Variants in REEP2 observed in about 807,000 individuals in gnomAD.
REEP2 encodes receptor accessory protein 2, also known as receptor expression-enhancing protein 2.
Under a neutral mutation model 32.1 loss-of-function variants are expected in REEP2, and 9 were observed. The observed-to-expected ratio is 0.28, with a 90% CI of 0.17 to 0.49. REEP2 has a LOEUF of 0.49. REEP2 is among the 20% of genes least tolerant of loss of function. REEP2 has a pLI of 0.99. For synonymous variants in REEP2, 128 were observed against 139.1 expected, an observed-to-expected ratio of 0.92 and a Z score of 0.56; for missense variants, 236 against 338.0, an observed-to-expected ratio of 0.70 and a Z score of 2.37.
intron 3 of REEP2, among the ~76,000 whole-genome samples, chr5:138,442,311 A>C (rs986319387): frequency 6.6e-6 from 1 of 152,210 alleles, no homozygotes; most frequent in Non-Finnish European, 1.5e-5. Context: ...CAAGAAGAGA[A>C]TTTTACCAAG....
intron 3 of REEP2, among the ~76,000 whole-genome samples, chr5:138,442,182 T>C (rs1453714191): frequency 6.6e-6 from 1 of 152,206 alleles, no homozygotes; most frequent in African/African-American, 2.4e-5. Context: ...GTATGAGCAC[T>C]TTGAGGACAG....
At chr5:138,439,743 G>C in intron 1 of REEP2, 1 of 456,612 alleles carries the variant, frequency 2.2e-6, no homozygotes, top group South Asian at 1.5e-5. Context: ...GGAGACTGGG[G>C]ACGAGGGCAT....
chr5:138,439,791 G>T, intron 1 of REEP2: 2 of 455,844 alleles, frequency 4.4e-6, no homozygotes, highest in South Asian at 3.1e-5. Flanking sequence ...TCTGGGTATC[G>T]GGAAGCAGAA....
chr5:138,444,603 C>T, intron 4 of REEP2, 68 bp downstream of exon 4: 2 of 1,595,664 alleles, frequency 1.3e-6, no homozygotes. Flanking sequence ...CCTGCAGCCT[C>T]ATACAGACTG....
intron 1 of REEP2, chr5:138,439,563 T>C: frequency 2.0e-6 from 1 of 496,842 alleles, no homozygotes; most frequent in Non-Finnish European, 3.8e-6. Flanking sequence ...GCGCGTCCCC[T>C]CCCCCACCTA....
At chr5:138,439,366 GC>G in intron 1 of REEP2, 126 bp downstream of exon 1, 3 of 992,670 alleles carry the variant, frequency 3.0e-6, no homozygotes, top group Non-Finnish European at 4.3e-6. Context: ...CTTATTTGGG[GC>G]CCCCAGAGAC....
chr5:138,445,341 C>T lies in REEP2; in HGVS notation c.531C>T (p.Ser177=), dbSNP rs763981758. The T allele has an allele frequency of 6.2e-7, 1 of 1,613,318 alleles. No individual in the cohort carries two copies. The part of the protein sequence containing the change: ...LQRPDGRLRP[S]PGSLLDTIED... ...GGCCTGACGGCCGCCTCCGACCCAG[C>T]CCTGGCAGCCTCCTGGACACCATCG... is the stretch of plus-strand genomic sequence containing the variant. Residue 177 remains serine (S), a synonymous_variant, in exon 6 of 8, where the codon AGC becomes AGT. Coordinates refer to ENST00000378339, the MANE Select transcript of REEP2 (RefSeq NM_001271803.2).
Position 138,441,581 on chromosome 5 carries a change from T to A in REEP2, c.182+120T>A. Reference sequence around the variant, plus strand: ...GCTCCTCCCATTCCTGACAATTTCATGGGGTCCTTGATATCTCCCCTCTCA... The same window carrying A: ...GCTCCTCCCATTCCTGACAATTTCAAGGGGTCCTTGATATCTCCCCTCTCA... On this transcript the variant is annotated intron_variant, in intron 3 of 7. Coordinates refer to ENST00000378339, the MANE Select transcript of REEP2 (RefSeq NM_001271803.2). The surrounding 1 kb of genome is among the most constrained non-coding windows in gnomAD (Gnocchi z 4.4). 1 of 799,920 alleles carries A rather than the reference T, an allele frequency of 1.3e-6. No individual in the cohort carries two copies. The highest frequency in any genetic ancestry group is 2.1e-6 in the Non-Finnish European group (1 of 471,970). The allele number at this position is 799,920 out of a possible 1,614,324, so 49.6% of individuals were successfully genotyped here.
chr5:138,442,730 G>A (rs759232946), intron 3 of REEP2, among the ~76,000 whole-genome samples: 1 of 149,952 alleles, frequency 6.7e-6, no homozygotes, highest in Non-Finnish European at 1.5e-5. Flanking sequence ...GCGTGGTGGC[G>A]GGTGTCTGTA....
At position 138,445,709 on chromosome 5, in the gene REEP2, C is replaced by G. The variant is rs1763917488; in HGVS notation, c.723C>G (p.Thr241=). 1.2e-6 allele frequency: 2 copies of G among 1,614,032 alleles called. No individual in the cohort carries two copies. The highest frequency in any genetic ancestry group is 2.2e-5 in the East Asian group (1 of 44,880). Reference sequence around the variant, plus strand: ...CACTGGCTTCCAAGACACTGAAGACCCGGCCCAAGAAGAAGACCTCTGGCG... The same window carrying G: ...CACTGGCTTCCAAGACACTGAAGACGCGGCCCAAGAAGAAGACCTCTGGCG... The part of the protein sequence containing the change: ...AEPLASKTLK[T]RPKKKTSGGG... Residue 241 remains threonine, a synonymous_variant, in exon 8 of 8, where the codon ACC becomes ACG. Transcript: ENST00000378339.
In REEP2 at chr5:138,441,986, C is replaced by T. The variant is rs927789898; in HGVS notation, c.182+525C>T. ...ACATAATCCCCATGTTTCTTTCTGG[C>T]GGCAGCCAGAGCCCCTCAGTGGAAT... is the stretch of plus-strand genomic sequence containing the variant. On this transcript the variant is annotated intron_variant, in intron 3 of 7. Transcript: ENST00000378339. The surrounding 1 kb of genome is among the most constrained non-coding windows in gnomAD (Gnocchi z 4.4). 6.6e-6 allele frequency among the ~76,000 whole-genome samples: 1 copy of T among 152,162 alleles called. No homozygotes were observed. The highest frequency in any genetic ancestry group is 2.4e-5 in the African/African-American group (1 of 41,434).
chr5:138,442,683 AT>A (rs772220391), intron 3 of REEP2, among the ~76,000 whole-genome samples: 12 of 152,042 alleles, frequency 7.9e-5, no homozygotes, highest in African/African-American at 1.2e-4. Context: ...GTGAAACCCC[AT>A]CTCTACTAAA....
At chr5:138,444,176 G>GA (rs1763879360) in intron 3 of REEP2, among the ~76,000 whole-genome samples, 2 of 152,038 alleles carry the variant, frequency 1.3e-5, no homozygotes, top group South Asian at 4.1e-4. Flanking sequence ...ATGAGGCCAG[G>GA]AGAGTCGCTG....
intron 5 of REEP2, 39 bp from the exon 6 acceptor site, chr5:138,445,189 C>A (rs1200697068): frequency 5.2e-6 from 8 of 1,546,906 alleles, no homozygotes; most frequent in Non-Finnish European, 7.0e-6. Context: ...CACCCCGCCC[C>A]TTCCCCCCGG....
At position 138,441,299 on chromosome 5, in the gene REEP2, G is replaced by A; in HGVS notation, c.106-86G>A. 5.1e-6 allele frequency: 7 copies of A among 1,359,298 alleles called. No homozygotes were observed. Among genetic ancestry groups the A allele is most frequent in the Non-Finnish European group, 6.3e-6 (6 of 948,682 alleles). The allele number at this position is 1,359,298 out of a possible 1,614,324, so 84.2% of individuals were successfully genotyped here. On this transcript the variant is annotated intron_variant, in intron 2 of 7. Coordinates refer to ENST00000378339, the MANE Select transcript of REEP2 (RefSeq NM_001271803.2). The surrounding 1 kb of genome is among the most constrained non-coding windows in gnomAD (Gnocchi z 4.4). ...GTCCTTGGTGTTCTCCCCAGCCCAG[G>A]CATGTTCAACAGGCAGAGCTGGGGT...
In REEP2 at chr5:138,441,934, A is replaced by T. The variant is rs1763833494; in HGVS notation, c.182+473A>T. On this transcript the variant is annotated intron_variant, in intron 3 of 7. Transcript: ENST00000378339. This position sits in a 1 kb window ranked among gnomAD's most constrained non-coding sequence, Gnocchi z 4.4. ...AGAGTGAGACTCCGTCTCAAAAAAA[A>T]AACAAACAAACAAGGAGTAAGAACA... 2.0e-5 allele frequency among the ~76,000 whole-genome samples: 3 copies of T among 152,202 alleles called. No homozygotes were observed. In the South Asian group the frequency reaches 6.2e-4, roughly 32 times the overall value.
In REEP2 at chr5:138,441,508, C is replaced by T. The variant is rs189034359; in HGVS notation, c.182+47C>T. On this transcript the variant is annotated intron_variant, in intron 3 of 7. Coordinates refer to ENST00000378339, the MANE Select transcript of REEP2 (RefSeq NM_001271803.2). The surrounding 1 kb of genome is among the most constrained non-coding windows in gnomAD (Gnocchi z 4.4). The stretch of plus-strand genomic sequence containing the variant: ...TGTATCTCAGGGCCCAGGGCCTCTG[C>T]CTTTCTCTACCCAGCCAGCCAAACA... The T allele has an allele frequency of 7.0e-5, 106 of 1,518,028 alleles. No individual in the cohort carries two copies. The highest frequency in any genetic ancestry group is 9.0e-5 in the Non-Finnish European group (98 of 1,092,814). The allele number at this position is 1,518,028 out of a possible 1,614,324, so 94.0% of individuals were successfully genotyped here.
chr5:138,441,260 C>A lies in REEP2; in HGVS notation c.106-125C>A. On this transcript the variant is annotated intron_variant, in intron 2 of 7. Transcript: ENST00000378339. This position sits in a 1 kb window ranked among gnomAD's most constrained non-coding sequence, Gnocchi z 4.4. ...CACACAGCGCCTCCAACATGGCTGG[C>A]AGGCAGAAGTGGGGTCCTTGGTGTT... 7.9e-7 allele frequency: 1 copy of A among 1,262,452 alleles called. No homozygotes were observed. The highest frequency in any genetic ancestry group is 1.2e-6 in the Non-Finnish European group (1 of 869,382). 78.2% of individuals were successfully genotyped at this position (1,262,452 alleles called of 1,614,324 possible). A position where few individuals can be genotyped will look rare whatever the true frequency, so the allele number is the denominator to read the frequency against.
chr5:138,439,385 T>G, intron 1 of REEP2, 145 bp downstream of exon 1: 166 of 674,500 alleles, frequency 2.5e-4, no homozygotes, highest in East Asian at 2.8e-4. Flanking sequence ...GACATGGAGA[T>G]GTGGCACCCA....
Sources: allele counts gnomAD v4.1 joint callset (sites outside exome capture counted in the v4.1 genomes callset), GRCh38; gene constraint gnomAD v4.1.1; non-coding constraint Gnocchi (gnomAD v3.1); transcripts MANE v1.5; gene names NCBI Gene and HGNC (gene_info 2026-07-23, HGNC 2026-07-21).